The following CA13 variants were observed in gnomAD, a reference collection of about 807,000 sequenced individuals.
CA13 encodes the protein carbonic anhydrase 13.
CA13 carries 21 observed loss-of-function variants against 31.5 expected under a neutral mutation model. The ratio of observed to expected loss-of-function variants is 0.67; its 90% confidence interval spans 0.47 to 0.96. CA13 has a LOEUF of 0.96. CA13 is among the 40% of genes least tolerant of loss of function. The pLI, the probability that CA13 is intolerant of heterozygous loss-of-function variation, is 0.00. For missense variants in CA13, 315 were observed against 318.9 expected (o/e 0.99, Z 0.09); for synonymous variants, 117 against 111.4 (o/e 1.05, Z -0.32).
At chr8:85,250,177 T>G (rs1405332784) in intron 1 of CA13, among the ~76,000 whole-genome samples, 1 of 152,224 alleles carries the variant, frequency 6.6e-6, no homozygotes, top group Admixed American at 6.5e-5. Flanking sequence ...GGTGAAAAAT[T>G]TGTGTGTTTC....
chr8:85,262,679 C>G (rs1807400820), intron 3 of CA13, among the ~76,000 whole-genome samples: 1 of 152,126 alleles, frequency 6.6e-6, no homozygotes, highest in South Asian at 2.1e-4. Flanking sequence ...AAAAATAATT[C>G]AACTACTGTT....
At position 85,266,595 on chromosome 8, in the gene CA13, A is replaced by G. The variant is rs773927084; in HGVS notation, c.355-13A>G. 1.2e-4 allele frequency: 190 copies of G among 1,600,484 alleles called. No individual in the cohort carries two copies. Among genetic ancestry groups the G allele is most frequent in the Non-Finnish European group, 1.5e-4 (179 of 1,169,408 alleles). On this transcript the variant is annotated splice_polypyrimidine_tract_variant and intron_variant, in intron 3 of 6. Transcript: ENST00000321764. ...ACAAAACATTCCTACTATGTTGTATATCTCCCTTTCAGCTCCATGTTGTTC... is the reference window on the plus strand; with the variant it reads ...ACAAAACATTCCTACTATGTTGTATGTCTCCCTTTCAGCTCCATGTTGTTC...
At chr8:85,278,198 G>A (rs1351070592) in intron 6 of CA13, among the ~76,000 whole-genome samples, 1 of 150,182 alleles carries the variant, frequency 6.7e-6, no homozygotes, top group Middle Eastern at 3.4e-3. Context: ...CCCAGGAGGC[G>A]GAGGTTGCAG....
intron 2 of CA13, among the ~76,000 whole-genome samples, chr8:85,255,072 G>T (rs917839196): frequency 6.6e-6 from 1 of 151,612 alleles, no homozygotes; most frequent in East Asian, 1.9e-4. Context: ...GGGAGGAGGT[G>T]GATGTGAAAT....
rs376825058 is a variant in CA13 at position 85,245,769 on chromosome 8, G to A, written c.-60G>A. 2.8e-5 allele frequency: 45 copies of A among 1,594,098 alleles called. No homozygotes were observed. In the African/African-American group the frequency reaches 5.2e-4, roughly 19 times the overall value. The stretch of plus-strand genomic sequence containing the variant: ...CAGGCTCCTTCCCGGGCCCCTCCCC[G>A]CTCCCTCCTCTTTCTCGCTGCTCAG... On this transcript the variant is annotated 5_prime_UTR_variant, in exon 1 of 7. Coordinates refer to ENST00000321764, the MANE Select transcript of CA13 (RefSeq NM_198584.3).
At chr8:85,269,093 C>T (rs761754396) in intron 6 of CA13, among the ~76,000 whole-genome samples, 2 of 152,198 alleles carry the variant, frequency 1.3e-5, no homozygotes, top group African/African-American at 2.4e-5. Context: ...GTGATTGGTG[C>T]AGTGCCCTAA....
intron 2 of CA13, 43 bp from the exon 3 acceptor site, chr8:85,259,378 A>T (rs1395496623): frequency 2.0e-6 from 3 of 1,510,534 alleles, no homozygotes; most frequent in Non-Finnish European, 2.8e-6. Flanking sequence ...GCTTATGTAA[A>T]TATTTTTTCC....
chr8:85,258,055 G>A (rs982088816), intron 2 of CA13, among the ~76,000 whole-genome samples: 2 of 149,746 alleles, frequency 1.3e-5, no homozygotes, highest in African/African-American at 4.9e-5. Context: ...ATAATAAGAT[G>A]GGGCCTTGCT....
chr8:85,272,089 G>C (rs911987868), intron 6 of CA13, among the ~76,000 whole-genome samples: 4 of 152,020 alleles, frequency 2.6e-5, no homozygotes, highest in Non-Finnish European at 4.4e-5. Flanking sequence ...ATAAAAGATA[G>C]AGATCTCAGC....
intron 3 of CA13, among the ~76,000 whole-genome samples, chr8:85,261,968 C>T (rs1374135898): frequency 3.6e-5 from 3 of 83,054 alleles, no homozygotes; most frequent in Non-Finnish European, 5.0e-5. Flanking sequence ...ACCTTAGCCT[C>T]CAGAGCAACT....
chr8:85,259,582 G>A (rs780371322), intron 3 of CA13, 43 bp downstream of exon 3: 54 of 1,546,474 alleles, frequency 3.5e-5, no homozygotes, highest in Non-Finnish European at 4.7e-5. Flanking sequence ...TTTCCCACAT[G>A]GTGGAATTTA....
Position 85,282,251 on chromosome 8 carries a change from T to G in CA13, c.*902T>G, listed in dbSNP as rs1222090057. 1 of 152,646 alleles carries G rather than the reference T, an allele frequency of 6.6e-6. No individual in the cohort carries two copies. Among genetic ancestry groups the G allele is most frequent in the African/African-American group, 2.4e-5 (1 of 41,458 alleles). 9.5% of individuals were successfully genotyped at this position (152,646 alleles called of 1,614,324 possible). On this transcript the variant is annotated 3_prime_UTR_variant, in exon 7 of 7. Coordinates refer to ENST00000321764, the MANE Select transcript of CA13 (RefSeq NM_198584.3). ...AAGCTACTTAATGTGTCTCCTCCAC[T>G]GATCAAAAATATTCCATATAGTCTT...
chr8:85,263,905 T>C (rs185405472), intron 3 of CA13, among the ~76,000 whole-genome samples: 27 of 152,324 alleles, frequency 1.8e-4, no homozygotes, highest in Non-Finnish European at 3.2e-4. Context: ...AGGAGTTGAT[T>C]AGTTTTTCCA....
In CA13 at chr8:85,250,774, T is replaced by A; in HGVS notation, c.72T>A (p.Ala24=). The A allele has an allele frequency of 6.2e-7, 1 of 1,613,872 alleles. No homozygotes were observed. The highest frequency in any genetic ancestry group is 8.5e-7 in the Non-Finnish European group (1 of 1,179,772). The change falls in exon 2 of 7, where the codon GCT becomes GCA. Residue 24 remains alanine (A), a synonymous_variant. Coordinates refer to ENST00000321764, the MANE Select transcript of CA13 (RefSeq NM_198584.3). ...ACTGGAAGGAATTTTTCCCTATTGC[T>A]GATGGTGATCAGCAATCTCCAATTG... The part of the protein sequence containing the change: ...PIHWKEFFPI[A]DGDQQSPIEI...
chr8:85,274,903 C>G (rs1447020582), intron 6 of CA13, among the ~76,000 whole-genome samples: 1 of 152,198 alleles, frequency 6.6e-6, no homozygotes, highest in South Asian at 2.1e-4. Flanking sequence ...TTATCATACA[C>G]AGGGACTCCG....
At position 85,281,473 on chromosome 8, in the gene CA13, G is replaced by T. The variant is rs1313506388; in HGVS notation, c.*124G>T. ...TAATTTATAGGAAACATTTTAGTAT[G>T]AGCTTCAGTGTCACAAAGAAAACCA... On this transcript the variant is annotated 3_prime_UTR_variant, in exon 7 of 7. Transcript: ENST00000321764. 10 of 1,437,630 alleles carry T rather than the reference G, an allele frequency of 7.0e-6. No homozygotes were observed. The East Asian group carries it at 2.5e-4, about 35-fold the overall frequency. 89.1% of individuals were successfully genotyped at this position (1,437,630 alleles called of 1,614,324 possible).
At chr8:85,275,842 G>A (rs1209924812) in intron 6 of CA13, among the ~76,000 whole-genome samples, 2 of 152,262 alleles carry the variant, frequency 1.3e-5, no homozygotes, top group East Asian at 3.8e-4. Context: ...GTAAGTAAAG[G>A]ATTGTTGTAT....
intron 3 of CA13, among the ~76,000 whole-genome samples, chr8:85,263,313 T>C (rs1807410708): frequency 6.6e-6 from 1 of 152,134 alleles, no homozygotes; most frequent in African/African-American, 2.4e-5. Flanking sequence ...TGTAATGCAG[T>C]GGGAAGAAGA....
intron 2 of CA13, among the ~76,000 whole-genome samples, chr8:85,251,253 C>T (rs184523200): frequency 1.3e-4 from 20 of 152,198 alleles, no homozygotes; most frequent in African/African-American, 3.9e-4. Context: ...CCGCCTGCCT[C>T]GGCCTCCCAA....
Sources: allele counts gnomAD v4.1 joint callset (sites outside exome capture counted in the v4.1 genomes callset), GRCh38; gene constraint gnomAD v4.1.1; transcripts MANE v1.5; gene names NCBI Gene and HGNC (gene_info 2026-07-23, HGNC 2026-07-21).